Variants in ATP6V0D2 observed in about 807,000 individuals in gnomAD.
ATP6V0D2 encodes ATPase H+ transporting V0 subunit d2.
A neutral mutation model predicts 40.0 loss-of-function variants in ATP6V0D2; 40 were observed. The observed-to-expected ratio is 1.00, with a 90% CI of 0.78 to 1.30. ATP6V0D2 has a LOEUF of 1.30. Ranked by LOEUF, ATP6V0D2 falls within the 50% of genes most tolerant of loss-of-function variation. The pLI, the probability that ATP6V0D2 is intolerant of heterozygous loss-of-function variation, is 0.00. For synonymous variants in ATP6V0D2, 179 were observed against 156.3 expected, an observed-to-expected ratio of 1.15 and a Z score of -1.08; for missense variants, 470 against 423.1, an observed-to-expected ratio of 1.11 and a Z score of -0.97.
chr8:86,100,857 C>CA (rs796758762), intron 1 of ATP6V0D2, among the ~76,000 whole-genome samples: 220 of 130,898 alleles, frequency 1.7e-3, no homozygotes, highest in African/African-American at 3.5e-3. Flanking sequence ...TTTGTGATAC[C>CA]AAAAAAAAAA....
Position 86,150,230 on chromosome 8 carries a change from G to C in ATP6V0D2, c.758G>C (p.Arg253Pro). ...GGCAAACTCTATCCTGAGGGGTTGC[G>C]GCTGTTGGCTCAAGCAGAAGACTTT... Reference protein sequence around the residue: ...TFGKLYPEGLRLLAQAEDFDQ... With the variant: ...TFGKLYPEGLPLLAQAEDFDQ... Residue 253 changes from arginine (R) to proline (P), a missense_variant, in exon 6 of 8, where the codon CGG becomes CCG. Coordinates refer to ENST00000285393, the MANE Select transcript of ATP6V0D2 (RefSeq NM_152565.1). 6.2e-7 allele frequency: 1 copy of C among 1,613,112 alleles called. No individual in the cohort carries two copies. Among genetic ancestry groups the C allele is most frequent in the Non-Finnish European group, 8.5e-7 (1 of 1,179,816 alleles).
Position 86,139,439 on chromosome 8 carries a change from A to G in ATP6V0D2, c.303-18A>G. 3 of 1,585,868 alleles carry G rather than the reference A, an allele frequency of 1.9e-6. No individual in the cohort carries two copies. Among genetic ancestry groups the G allele is most frequent in the Non-Finnish European group, 2.6e-6 (3 of 1,167,086 alleles). On this transcript the variant is annotated intron_variant, in intron 2 of 7. Transcript: ENST00000285393. ...TTTTGCAGCTGTCCTCTAATGATTG[A>G]GTTGTCTTCTGAACCAGGTGCAGTT...
Position 86,151,545 on chromosome 8 carries a change from G to T in ATP6V0D2, c.891+5G>T, listed in dbSNP as rs573898633. On this transcript the variant is annotated splice_donor_5th_base_variant and intron_variant, in intron 7 of 7. Transcript: ENST00000285393. ...GACGTGTTTTACGAGCGTGAGGTATGATATAAGTGGAAATACTATTAGCTT... is the reference window on the plus strand; with the variant it reads ...GACGTGTTTTACGAGCGTGAGGTATTATATAAGTGGAAATACTATTAGCTT... The T allele has an allele frequency of 1.3e-6, 2 of 1,593,088 alleles. No individual in the cohort carries two copies. The highest frequency in any genetic ancestry group is 1.4e-5 in the African/African-American group (1 of 74,052).
In ATP6V0D2 at chr8:86,146,649, G is replaced by A. The variant is rs116023543; in HGVS notation, c.640-3463G>A. On this transcript the variant is annotated intron_variant, in intron 5 of 7. Transcript: ENST00000285393. The stretch of plus-strand genomic sequence containing the variant: ...AATTCCAGGTTACAGTGAGCCATAA[G>A]CCACCTCATTCCAGGCTGGGTGACG... 9.4e-3 allele frequency among the ~76,000 whole-genome samples: 1,426 copies of A among 152,218 alleles called. 28 individuals carry two copies. The highest frequency in any genetic ancestry group is 0.033 in the African/African-American group (1,353 of 41,544).
At position 86,139,561 on chromosome 8, in the gene ATP6V0D2, C is replaced by G; in HGVS notation, c.407C>G (p.Thr136Arg). The G allele has an allele frequency of 6.2e-7, 1 of 1,613,810 alleles. No individual in the cohort carries two copies. The highest frequency in any genetic ancestry group is 8.5e-7 in the Non-Finnish European group (1 of 1,179,870). ...LGKCHPLGRF[T>R]EMEAVNIAET... ...AAGTGCCACCCCTTGGGCCGTTTCA[C>G]AGAAATGGAAGCTGTCAACATTGCA... Residue 136 changes from threonine to arginine, a missense_variant, in exon 3 of 8, where the codon ACA (threonine) becomes AGA (arginine). By Grantham distance (71) the Thr-to-Arg change is moderately conservative. Transcript: ENST00000285393.
At position 86,141,511 on chromosome 8, in the gene ATP6V0D2, A is replaced by G; in HGVS notation, c.543A>G (p.Leu181=). ...NALDELNIEL[L]RNKLYKSYLE... ...TAGATGAACTGAATATTGAATTGCT[A>G]CGCAATAAACTATACAAGGTAATGG... is the stretch of plus-strand genomic sequence containing the variant. Residue 181 remains leucine, a synonymous_variant, in exon 4 of 8, where the codon CTA becomes CTG. Transcript: ENST00000285393. 6.2e-7 allele frequency: 1 copy of G among 1,606,572 alleles called. No homozygotes were observed. The highest frequency in any genetic ancestry group is 8.5e-7 in the Non-Finnish European group (1 of 1,174,970).
At chr8:86,149,052 G>GAAA (rs1166858589) in intron 5 of ATP6V0D2, among the ~76,000 whole-genome samples, 12,247 of 68,566 alleles carry the variant, frequency 0.18, 2,520 homozygotes, top group African/African-American at 0.24. Context: ...ATCTCCAAAG[G>GAAA]AAGAAAAAAA....
At chr8:86,127,661 C>A (rs1221737485) in intron 2 of ATP6V0D2, among the ~76,000 whole-genome samples, 1 of 152,010 alleles carries the variant, frequency 6.6e-6, no homozygotes, top group African/African-American at 2.4e-5. Context: ...TGAGCTCAAG[C>A]GATCCGCCTG....
intron 1 of ATP6V0D2, among the ~76,000 whole-genome samples, chr8:86,102,063 G>GT (rs1220130898): frequency 6.6e-6 from 1 of 152,180 alleles, no homozygotes; most frequent in African/African-American, 2.4e-5. Context: ...CACGCTATTG[G>GT]TGATGGAGGA....
intron 1 of ATP6V0D2, among the ~76,000 whole-genome samples, chr8:86,109,300 GA>G (rs373161368): frequency 2.0e-5 from 3 of 151,798 alleles, no homozygotes; most frequent in Non-Finnish European, 2.9e-5. Flanking sequence ...GGAAATGTAG[GA>G]AAAAAAATTC....
intron 2 of ATP6V0D2, among the ~76,000 whole-genome samples, chr8:86,134,316 C>T (rs151167080): frequency 7.2e-5 from 11 of 152,004 alleles, no homozygotes; most frequent in East Asian, 3.9e-4. Context: ...AATGGCTAAA[C>T]GAAGCTTTTG....
intron 2 of ATP6V0D2, among the ~76,000 whole-genome samples, chr8:86,115,461 G>A (rs532330815): frequency 7.3e-6 from 1 of 136,068 alleles, no homozygotes; most frequent in African/African-American, 2.7e-5. Context: ...CTTCGCCTCC[G>A]TGGTTCAAGA....
intron 5 of ATP6V0D2, 66 bp downstream of exon 5, chr8:86,143,020 CT>C: frequency 1.7e-6 from 2 of 1,157,820 alleles, no homozygotes; most frequent in Non-Finnish European, 2.5e-6. Flanking sequence ...TTGTTTTAAC[CT>C]TACTTATATT....
In ATP6V0D2 at chr8:86,108,167, G is replaced by T. The variant is rs368485734; in HGVS notation, c.131-5542G>T. ...TTGTTTCTTTTCTTTTTTGAGACAG[G>T]ATCTCACTCTATTTCCTGAGCCAGA... On this transcript the variant is annotated intron_variant, in intron 1 of 7. Coordinates refer to ENST00000285393, the MANE Select transcript of ATP6V0D2 (RefSeq NM_152565.1). Among the ~76,000 whole-genome samples, 40 of 152,208 alleles carry T rather than the reference G, an allele frequency of 2.6e-4. 1 individual carries two copies. Among genetic ancestry groups the T allele is most frequent in the African/African-American group, 9.2e-4 (38 of 41,524 alleles).
intron 1 of ATP6V0D2, among the ~76,000 whole-genome samples, chr8:86,112,233 G>A (rs1818535728): frequency 1.3e-5 from 2 of 152,176 alleles, no homozygotes; most frequent in Admixed American, 1.3e-4. Flanking sequence ...TATGCTAGAG[G>A]TTTTATCAGA....
Position 86,140,801 on chromosome 8 carries a change from G to A in ATP6V0D2, c.482-649G>A, listed in dbSNP as rs150241960. 7.1e-3 allele frequency among the ~76,000 whole-genome samples: 1,074 copies of A among 152,102 alleles called. 16 individuals carry two copies. Among genetic ancestry groups the A allele is most frequent in the African/African-American group, 0.024 (1,003 of 41,464 alleles). ...ATGACAGGAGAGAGGGGATGGTTTC[G>A]GGATGATTCAAACACATTACATTTA... On this transcript the variant is annotated intron_variant, in intron 3 of 7. Coordinates refer to ENST00000285393, the MANE Select transcript of ATP6V0D2 (RefSeq NM_152565.1).
At chr8:86,150,592 C>G (rs1329628238) in intron 6 of ATP6V0D2, among the ~76,000 whole-genome samples, 2 of 152,062 alleles carry the variant, frequency 1.3e-5, no homozygotes, top group African/African-American at 4.8e-5. Context: ...GTTCAGTGTT[C>G]TGGAAATGTG....
At chr8:86,128,808 T>G (rs1818779267) in intron 2 of ATP6V0D2, among the ~76,000 whole-genome samples, 1 of 152,196 alleles carries the variant, frequency 6.6e-6, no homozygotes, top group Non-Finnish European at 1.5e-5. Flanking sequence ...ATGGTCTTCT[T>G]TTTTGGTGTC....
In ATP6V0D2 at chr8:86,139,636, G is replaced by A; in HGVS notation, c.481+1G>A. 1.9e-6 allele frequency: 3 copies of A among 1,574,940 alleles called. No individual in the cohort carries two copies. Among genetic ancestry groups the A allele is most frequent in the Non-Finnish European group, 2.6e-6 (3 of 1,161,174 alleles). ...GCCATTCTGATCGAAACGCCATTAG[G>A]TAGGAACACTTAGGTAATTTTGTAG... On this transcript the variant is annotated splice_donor_variant, in intron 3 of 7. Coordinates refer to ENST00000285393, the MANE Select transcript of ATP6V0D2 (RefSeq NM_152565.1). LOFTEE classifies it high-confidence loss of function.
Sources: allele counts gnomAD v4.1 joint callset (sites outside exome capture counted in the v4.1 genomes callset), GRCh38; gene constraint gnomAD v4.1.1; transcripts MANE v1.5; gene names NCBI Gene and HGNC (gene_info 2026-07-23, HGNC 2026-07-21).